PCDHGA9: variants seen among roughly 807,000 people sequenced by gnomAD.
The protein encoded by PCDHGA9 is protocadherin gamma subfamily A, 9.
In PCDHGA9, 37 loss-of-function variants were observed where a neutral mutation model predicts 62.5. The ratio of observed to expected loss-of-function variants is 0.59; its 90% CI spans 0.46 to 0.78. The LOEUF (loss-of-function observed/expected upper bound fraction) is 0.78. Ranked by LOEUF, PCDHGA9 falls within the 30% of genes least tolerant of loss-of-function variation. PCDHGA9 has a pLI of 0.00. For missense variants in PCDHGA9, 1,138 were observed against 1,166.2 expected, an observed-to-expected ratio of 0.98 and a Z score of 0.35; for synonymous variants, 459 against 484.6, an observed-to-expected ratio of 0.95 and a Z score of 0.69.
Position 141,490,447 on chromosome 5 carries a change from C to A in PCDHGA9, c.2425-4360C>A, listed in dbSNP as rs1273424450. 1.2e-6 allele frequency: 2 copies of A among 1,614,196 alleles called. No homozygotes were observed. The highest frequency in any genetic ancestry group is 1.7e-5 in the Admixed American group (1 of 60,030). Reference sequence around the variant, plus strand: ...ATTTCAGATTAAGCCTTCTGAGAACCACTACTCGCTGCTAACCAGCCAGCC... The same window carrying A: ...ATTTCAGATTAAGCCTTCTGAGAACAACTACTCGCTGCTAACCAGCCAGCC... On this transcript the variant is annotated intron_variant, in intron 1 of 3. Coordinates refer to ENST00000573521, the MANE Select transcript of PCDHGA9 (RefSeq NM_018921.3). This position sits in a 1 kb window ranked among gnomAD's most constrained non-coding sequence, Gnocchi z 5.4.
At chr5:141,409,438 A>C (rs1459982502) in intron 1 of PCDHGA9, 1 of 1,613,866 alleles carries the variant, frequency 6.2e-7, no homozygotes, top group Non-Finnish European at 8.5e-7. Context: ...CCCTGGACCG[A>C]GAGCAGACAC....
At chr5:141,478,189 C>T (rs774322691) in intron 1 of PCDHGA9, 1 of 1,614,020 alleles carries the variant, frequency 6.2e-7, no homozygotes, top group South Asian at 1.1e-5. Context: ...AAAATCTCAC[C>T]TTTTATCTAC....
chr5:141,418,985 T>G, intron 1 of PCDHGA9: 1 of 1,613,882 alleles, frequency 6.2e-7, no homozygotes, highest in Non-Finnish European at 8.5e-7. Context: ...GGACCAAGAC[T>G]CAGGGGAAAA....
intron 1 of PCDHGA9, among the ~76,000 whole-genome samples, chr5:141,465,879 T>C (rs979784878): frequency 6.6e-6 from 1 of 152,062 alleles, no homozygotes; most frequent in African/African-American, 2.4e-5. Context: ...TCCCAGCACT[T>C]TGGGAGGCCG....
At position 141,485,683 on chromosome 5, in the gene PCDHGA9, T is replaced by C. The variant is rs2099617681; in HGVS notation, c.2425-9124T>C. ...TGGGGAGCAATTCGATTAGCAGCTA[T>C]AGGCTGAGCTCCAATGAACACTTTG... On this transcript the variant is annotated intron_variant, in intron 1 of 3. Coordinates refer to ENST00000573521, the MANE Select transcript of PCDHGA9 (RefSeq NM_018921.3). This position sits in a 1 kb window ranked among gnomAD's most constrained non-coding sequence, Gnocchi z 5.7. 3.7e-6 allele frequency: 6 copies of C among 1,614,042 alleles called. No individual in the cohort carries two copies. The South Asian group carries it at 4.4e-5, about 12-fold the overall frequency.
rs768509409 is a variant in PCDHGA9 at position 141,489,236 on chromosome 5, G to C, written c.2425-5571G>C. 1 of 1,531,176 alleles carries C rather than the reference G, an allele frequency of 6.5e-7. No homozygotes were observed. 94.8% of individuals were successfully genotyped at this position (1,531,176 alleles called of 1,614,324 possible). On this transcript the variant is annotated intron_variant, in intron 1 of 3. Transcript: ENST00000573521. The surrounding 1 kb of genome is among the most constrained non-coding windows in gnomAD (Gnocchi z 4.5). The stretch of plus-strand genomic sequence containing the variant: ...ACTTACTCTCCACAAAGGGACTTCT[G>C]GGTCATGGGGCCCAAGACACTCCCA...
At chr5:141,447,650 T>TC (rs1036312126) in intron 1 of PCDHGA9, among the ~76,000 whole-genome samples, 5 of 151,988 alleles carry the variant, frequency 3.3e-5, no homozygotes, top group Non-Finnish European at 5.9e-5. Context: ...GGTAGAATTT[T>TC]CCCCCCCAGG....
intron 1 of PCDHGA9, chr5:141,415,069 A>G (rs1323441877): frequency 1.1e-5 from 18 of 1,613,420 alleles, no homozygotes; most frequent in Non-Finnish European, 1.5e-5. Flanking sequence ...CGAGGTGCGC[A>G]CGGCGCGAGC....
chr5:141,412,346 T>C (rs1489657145), intron 1 of PCDHGA9: 1 of 152,238 alleles, frequency 6.6e-6, no homozygotes, highest in African/African-American at 2.4e-5. Flanking sequence ...TATGTTCATT[T>C]TAGTTTGTGA....
chr5:141,454,076 T>A (rs190918056), intron 1 of PCDHGA9, among the ~76,000 whole-genome samples: 2 of 152,352 alleles, frequency 1.3e-5, no homozygotes, highest in East Asian at 3.8e-4. Flanking sequence ...TGATAATGTT[T>A]TCAGTGAAAT....
chr5:141,415,766 TTTTTTTACTTTC>T, intron 1 of PCDHGA9: 1 of 1,295,032 alleles, frequency 7.7e-7, no homozygotes, highest in Admixed American at 3.5e-5. Flanking sequence ...TTTTTTTTTT[TTTTTTTACTTTC>T]TGGTAAAATT....
chr5:141,466,822 G>A (rs1396286898), intron 1 of PCDHGA9, among the ~76,000 whole-genome samples: 4 of 152,046 alleles, frequency 2.6e-5, no homozygotes. Flanking sequence ...GGTATAACAA[G>A]TTAGTATGGG....
intron 1 of PCDHGA9, among the ~76,000 whole-genome samples, chr5:141,451,387 T>C (rs1039738460): frequency 6.6e-6 from 1 of 152,116 alleles, no homozygotes; most frequent in African/African-American, 2.4e-5. Flanking sequence ...TCTCACATAG[T>C]TAATGGCAAA....
intron 1 of PCDHGA9, chr5:141,413,223 G>C (rs1454395834): frequency 6.2e-7 from 1 of 1,613,694 alleles, no homozygotes; most frequent in African/African-American, 1.3e-5. Flanking sequence ...ATTGCAGCGG[G>C]CTGGTCCTGC....
chr5:141,427,999 T>A, intron 1 of PCDHGA9: 1 of 1,601,186 alleles, frequency 6.2e-7, no homozygotes, highest in Non-Finnish European at 8.5e-7. Context: ...GGCTCCGCAC[T>A]CTTCGATATA....
At chr5:141,405,450 T>G in intron 1 of PCDHGA9, 74 bp downstream of exon 1, 7 of 1,286,684 alleles carry the variant, frequency 5.4e-6, no homozygotes, top group South Asian at 1.4e-5. Flanking sequence ...GACAGAGTCT[T>G]ACTCTGTTAC....
At chr5:141,409,942 C>T (rs1168442761) in intron 1 of PCDHGA9, 4 of 1,613,284 alleles carry the variant, frequency 2.5e-6, no homozygotes, top group South Asian at 1.1e-5. Flanking sequence ...TGGTACCTCG[C>T]TCTGCAGAGC....
intron 1 of PCDHGA9, chr5:141,415,652 A>AG: frequency 6.3e-7 from 1 of 1,590,778 alleles, no homozygotes; most frequent in African/African-American, 1.4e-5. Flanking sequence ...AAAAAAAAAA[A>AG]GATTGGTTTT....
intron 1 of PCDHGA9, among the ~76,000 whole-genome samples, chr5:141,463,534 C>T (rs866525322): frequency 2.6e-4 from 39 of 148,938 alleles, no homozygotes; most frequent in Admixed American, 7.5e-4. Flanking sequence ...CTAGAAACTC[C>T]GGCTCCCGGG....
Sources: allele counts gnomAD v4.1 joint callset (sites outside exome capture counted in the v4.1 genomes callset), GRCh38; gene constraint gnomAD v4.1.1; non-coding constraint Gnocchi (gnomAD v3.1); transcripts MANE v1.5; gene names NCBI Gene and HGNC (gene_info 2026-07-23, HGNC 2026-07-21).